The following UBE3D variants were observed in gnomAD, a reference collection of about 807,000 sequenced individuals.
UBE3D encodes the protein ubiquitin protein ligase E3D.
UBE3D carries 48 observed loss-of-function variants against 49.6 expected under a neutral mutation model. The ratio of observed to expected loss-of-function variants is 0.97; its 90% CI spans 0.77 to 1.23. UBE3D has a LOEUF of 1.23. UBE3D is among the 50% of genes most tolerant of loss of function. UBE3D has a pLI of 0.00. For synonymous variants in UBE3D, 189 were observed against 174.2 expected (o/e 1.08, Z -0.67); for missense variants, 452 against 468.4 (o/e 0.96, Z 0.32).
intron 9 of UBE3D, among the ~76,000 whole-genome samples, chr6:82,904,433 T>C (rs1001207143): frequency 2.0e-5 from 3 of 151,996 alleles, no homozygotes. Context: ...AGCAGAAAAA[T>C]ATAGGCTCTT....
intron 8 of UBE3D, among the ~76,000 whole-genome samples, chr6:82,979,147 G>C (rs1334410728): frequency 6.6e-6 from 1 of 152,116 alleles, no homozygotes. Context: ...TTTTTTAAAA[G>C]AGCCCCAGTA....
At chr6:82,930,184 G>A (rs1774043594) in intron 9 of UBE3D, among the ~76,000 whole-genome samples, 1 of 152,130 alleles carries the variant, frequency 6.6e-6, no homozygotes, top group African/African-American at 2.4e-5. Flanking sequence ...CTGCCACCAT[G>A]TGAAGAAGCA....
intron 9 of UBE3D, among the ~76,000 whole-genome samples, chr6:82,945,478 T>C (rs1775332285): frequency 6.6e-6 from 1 of 152,162 alleles, no homozygotes; most frequent in Non-Finnish European, 1.5e-5. Flanking sequence ...AGATATGACT[T>C]AGATCACAAC....
intron 9 of UBE3D, among the ~76,000 whole-genome samples, chr6:82,927,155 A>G (rs1016043477): frequency 6.6e-6 from 1 of 151,070 alleles, no homozygotes; most frequent in Non-Finnish European, 1.5e-5. Flanking sequence ...AGATCAGTTG[A>G]CCATATTTTT....
At chr6:83,040,079 C>T (rs552711345) in intron 4 of UBE3D, among the ~76,000 whole-genome samples, 1 of 152,106 alleles carries the variant, frequency 6.6e-6, no homozygotes, top group East Asian at 1.9e-4. Context: ...GTTATCAGAT[C>T]TTGATGTAAA....
chr6:82,936,426 A>G (rs1774579400), intron 9 of UBE3D, among the ~76,000 whole-genome samples: 1 of 152,218 alleles, frequency 6.6e-6, no homozygotes, highest in South Asian at 2.1e-4. Flanking sequence ...AAGTTAAATC[A>G]GAAGAAAATA....
At chr6:82,975,935 G>A (rs1185248847) in intron 8 of UBE3D, among the ~76,000 whole-genome samples, 2 of 152,152 alleles carry the variant, frequency 1.3e-5, no homozygotes, top group African/African-American at 4.8e-5. Context: ...CTGACTACTT[G>A]AGGTGATCTG....
At chr6:82,994,924 A>C (rs1779139192) in intron 8 of UBE3D, among the ~76,000 whole-genome samples, 1 of 152,210 alleles carries the variant, frequency 6.6e-6, no homozygotes, top group African/African-American at 2.4e-5. Context: ...TAGAGACAAG[A>C]GGGAGAAGTA....
chr6:82,973,132 C>T (rs1490395201), intron 8 of UBE3D, among the ~76,000 whole-genome samples: 1 of 152,166 alleles, frequency 6.6e-6, no homozygotes, highest in Non-Finnish European at 1.5e-5. Flanking sequence ...AAACTGGCCA[C>T]ACCCATTTTA....
At chr6:82,923,069 G>C (rs567027502) in intron 9 of UBE3D, among the ~76,000 whole-genome samples, 36 of 152,318 alleles carry the variant, frequency 2.4e-4, no homozygotes, top group African/African-American at 8.4e-4. Context: ...ACAAATGCTG[G>C]AGAGGTTGTG....
chr6:82,967,221 AC>A (rs1777007282), intron 8 of UBE3D, among the ~76,000 whole-genome samples: 2 of 152,182 alleles, frequency 1.3e-5, no homozygotes, highest in African/African-American at 4.8e-5. Flanking sequence ...TCTATCCTTC[AC>A]CCTGCTTCCC....
chr6:83,046,921 AG>A (rs1309281185), intron 3 of UBE3D, among the ~76,000 whole-genome samples: 1 of 152,172 alleles, frequency 6.6e-6, no homozygotes, highest in Non-Finnish European at 1.5e-5. Flanking sequence ...AAAGATAAAT[AG>A]TAGTTCTCCA....
intron 8 of UBE3D, among the ~76,000 whole-genome samples, chr6:82,963,983 T>C (rs1331009588): frequency 6.6e-6 from 1 of 152,130 alleles, no homozygotes; most frequent in Non-Finnish European, 1.5e-5. Context: ...AAAGGAACAA[T>C]GAACTAAACG....
At chr6:82,974,154 C>G (rs1018072145) in intron 8 of UBE3D, among the ~76,000 whole-genome samples, 4 of 152,162 alleles carry the variant, frequency 2.6e-5, no homozygotes, top group Non-Finnish European at 5.9e-5. Context: ...ATTACTTTTG[C>G]ACCAACCTAC....
rs1324685123 is a variant in UBE3D at position 83,044,656 on chromosome 6, C to A, written c.369G>T (p.Lys123Asn). The A allele has an allele frequency of 6.2e-7, 1 of 1,610,908 alleles. No homozygotes were observed. Among genetic ancestry groups the A allele is most frequent in the Admixed American group, 1.7e-5 (1 of 59,692 alleles). ...TCGGCAGTGGGAGCACCCTGAGGAG[C>A]TTCCTAGTGGAAAGAGGAAAAATCA... Reference protein sequence around the residue: ...SCGEVIIKDRKLLRVLPLPSE... With the variant: ...SCGEVIIKDRNLLRVLPLPSE... Residue 123 changes from lysine (K) to asparagine (N), a missense_variant, in exon 4 of 10, where the codon AAG (lysine) becomes AAT (asparagine). Lys to Asn is a moderately conservative substitution (Grantham distance 94, BLOSUM62 0). Coordinates refer to ENST00000369747, the MANE Select transcript of UBE3D (RefSeq NM_198920.3).
At chr6:82,967,285 T>A (rs1275050204) in intron 8 of UBE3D, among the ~76,000 whole-genome samples, 1 of 152,202 alleles carries the variant, frequency 6.6e-6, no homozygotes, top group East Asian at 1.9e-4. Context: ...TTCACCAACC[T>A]TTTTTAAACC....
At chr6:83,052,369 G>A (rs1007777786) in intron 3 of UBE3D, among the ~76,000 whole-genome samples, 11 of 152,284 alleles carry the variant, frequency 7.2e-5, no homozygotes, top group African/African-American at 1.7e-4. Context: ...TGCACTCCGA[G>A]AGCCTACAGT....
chr6:82,910,973 A>G (rs1239053955), intron 9 of UBE3D, among the ~76,000 whole-genome samples: 1 of 152,086 alleles, frequency 6.6e-6, no homozygotes, highest in Non-Finnish European at 1.5e-5. Flanking sequence ...ATCTAATCCC[A>G]CCAGATCACC....
intron 8 of UBE3D, among the ~76,000 whole-genome samples, chr6:82,982,160 G>A (rs1314951451): frequency 6.6e-6 from 1 of 152,044 alleles, no homozygotes; most frequent in African/African-American, 2.4e-5. Context: ...TCAATTCACG[G>A]CTAACTTGTT....
Sources: gnomAD v4.1 joint callset for allele counts (sites outside exome capture counted in the v4.1 genomes callset) on GRCh38, gnomAD v4.1.1 for gene constraint, MANE v1.5 for transcripts, NCBI Gene and HGNC (gene_info 2026-07-23, HGNC 2026-07-21) for gene names.